The following TANC2 variants were observed in gnomAD, a reference collection of about 807,000 sequenced individuals.
TANC2 encodes the protein tetratricopeptide repeat, ankyrin repeat and coiled-coil containing 2, also known as protein TANC2.
In TANC2, 26 loss-of-function variants were observed where a neutral mutation model predicts 210.5. That is an observed-to-expected ratio of 0.12 (90% CI 0.09 to 0.17). TANC2 has a LOEUF of 0.17. Ranked by LOEUF, TANC2 falls within the 10% of genes least tolerant of loss-of-function variation. The pLI, the probability that TANC2 is intolerant of heterozygous loss-of-function variation, is 1.00. For missense variants in TANC2, 2,129 were observed against 2,608.9 expected (o/e 0.82, Z 4.01); for synonymous variants, 931 against 967.1 (o/e 0.96, Z 0.69).
At chr17:63,040,967 A>G (rs975234687) in intron 2 of TANC2, among the ~76,000 whole-genome samples, 1 of 152,230 alleles carries the variant, frequency 6.6e-6, no homozygotes, top group African/African-American at 2.4e-5. Flanking sequence ...TTAGAAATGT[A>G]TAATGTTTTA....
intron 4 of TANC2, among the ~76,000 whole-genome samples, chr17:63,107,496 G>C (rs1443583066): frequency 1.3e-5 from 2 of 151,646 alleles, no homozygotes; most frequent in East Asian, 3.8e-4. Context: ...TTATCCAAGA[G>C]AAAAGAAAAC....
exon 13 of TANC2, chr17:63,351,328 G>A: frequency 6.2e-7 from 1 of 1,610,684 alleles, no homozygotes; most frequent in Non-Finnish European, 8.5e-7. Context: ...CCGGATTATG[G>A]GGATACAATT....
chr17:63,091,778 A>G (rs2037204729), intron 3 of TANC2, among the ~76,000 whole-genome samples: 2 of 152,196 alleles, frequency 1.3e-5, no homozygotes, highest in Non-Finnish European at 2.9e-5. Flanking sequence ...TGGGGATGGC[A>G]TTGAATCTAT....
chr17:63,086,957 A>G (rs1312717423), intron 3 of TANC2, among the ~76,000 whole-genome samples: 2 of 152,194 alleles, frequency 1.3e-5, no homozygotes, highest in African/African-American at 2.4e-5. Flanking sequence ...ACAAATAAGG[A>G]AATAAAAGCT....
chr17:63,316,492 G>C (rs2045317551), intron 10 of TANC2, among the ~76,000 whole-genome samples: 1 of 152,154 alleles, frequency 6.6e-6, no homozygotes, highest in African/African-American at 2.4e-5. Flanking sequence ...CCAAAGCAGA[G>C]ATTCTTTAAA....
chr17:63,321,801 T>C (rs1434820617), intron 11 of TANC2, among the ~76,000 whole-genome samples: 4 of 152,194 alleles, frequency 2.6e-5, no homozygotes, highest in Non-Finnish European at 4.4e-5. Flanking sequence ...TCTCTAGTTC[T>C]CTTTCCTGTG....
At chr17:63,404,004 T>A (rs1447570071) in intron 19 of TANC2, among the ~76,000 whole-genome samples, 1 of 152,260 alleles carries the variant, frequency 6.6e-6, no homozygotes, top group Non-Finnish European at 1.5e-5. Context: ...GTTTGCAAAC[T>A]GCAGTATCTG....
chr17:63,123,401 CA>C (rs1028381311), intron 4 of TANC2, among the ~76,000 whole-genome samples: 2 of 151,230 alleles, frequency 1.3e-5, no homozygotes, highest in African/African-American at 4.9e-5. Flanking sequence ...ACTAAAAATA[CA>C]AAAAAAATTA....
chr17:63,088,876 T>TAACA (rs1056377129), intron 3 of TANC2: 4 of 152,190 alleles, frequency 2.6e-5, no homozygotes, highest in African/African-American at 9.6e-5. Context: ...AAGGCTTTTG[T>TAACA]AGAGTCTTTA....
exon 28 of TANC2, chr17:63,422,463 G>A (rs1359527963): frequency 6.1e-6 from 1 of 163,694 alleles, no homozygotes; most frequent in East Asian, 1.8e-4. Flanking sequence ...CAGACCGCCA[G>A]CGCCCTGCAG....
intron 1 of TANC2, among the ~76,000 whole-genome samples, chr17:62,969,858 T>G (rs917280923): frequency 6.6e-6 from 1 of 152,214 alleles, no homozygotes; most frequent in Non-Finnish European, 1.5e-5. Flanking sequence ...TTCATTTATA[T>G]TAAAAACTAC....
intron 13 of TANC2, among the ~76,000 whole-genome samples, chr17:63,353,902 C>T (rs1460151984): frequency 6.6e-6 from 1 of 152,042 alleles, no homozygotes; most frequent in Non-Finnish European, 1.5e-5. Context: ...TGACAAGAAC[C>T]ATTTCAGTGA....
intron 9 of TANC2, among the ~76,000 whole-genome samples, chr17:63,293,434 A>G (rs779698455): frequency 2.0e-5 from 3 of 152,198 alleles, no homozygotes; most frequent in Non-Finnish European, 4.4e-5. Context: ...GCTAGACTTT[A>G]TAGTCATTAT....
At chr17:63,318,148 T>C (rs939585950) in intron 10 of TANC2, among the ~76,000 whole-genome samples, 23 of 152,210 alleles carry the variant, frequency 1.5e-4, no homozygotes, top group Admixed American at 5.2e-4. Flanking sequence ...GACTACTTTT[T>C]CCTATTCTTC....
At chr17:63,297,145 A>G (rs1289636315) in intron 9 of TANC2, among the ~76,000 whole-genome samples, 1 of 152,212 alleles carries the variant, frequency 6.6e-6, no homozygotes, top group Non-Finnish European at 1.5e-5. Context: ...GTACTACCCA[A>G]AGGAGTCTAC....
chr17:63,052,327 TCAAAGATTGAGTC>T (rs991429777), intron 2 of TANC2, among the ~76,000 whole-genome samples: 169 of 152,248 alleles, frequency 1.1e-3, no homozygotes, highest in African/African-American at 3.8e-3. Flanking sequence ...TTGTAATAGT[TCAAAGATTGAGTC>T]CAGCTCAACT....
At chr17:63,300,342 G>A (rs1426652407) in intron 9 of TANC2, among the ~76,000 whole-genome samples, 1 of 152,136 alleles carries the variant, frequency 6.6e-6, no homozygotes, top group East Asian at 1.9e-4. Flanking sequence ...AGTTTGATGG[G>A]AATAACATTG....
intron 8 of TANC2, among the ~76,000 whole-genome samples, chr17:63,247,501 G>T (rs1443378557): frequency 6.7e-6 from 1 of 148,678 alleles, no homozygotes; most frequent in African/African-American, 2.5e-5. Flanking sequence ...AAAAAAAATA[G>T]AAACAATTAC....
rs1473969952 is a variant in TANC2 at position 63,186,829 on chromosome 17, A to G, written c.434-7162A>G. ...AAAACCAAGAACTACAAATTTAAAT[A>G]GTTTTAATCAGCATAATGCATGAGT... On this transcript the variant is annotated intron_variant, in intron 5 of 27. Coordinates refer to ENST00000689528, the Ensembl canonical transcript of TANC2. Among the ~76,000 whole-genome samples the G allele has an allele frequency of 2.0e-5, 3 of 152,232 alleles. No individual in the cohort carries two copies. In the East Asian group the frequency reaches 5.8e-4, roughly 29 times the overall value.
Sources: allele counts gnomAD v4.1 joint callset (sites outside exome capture counted in the v4.1 genomes callset), GRCh38; gene constraint gnomAD v4.1.1; transcripts MANE v1.5; gene names NCBI Gene and HGNC (gene_info 2026-07-23, HGNC 2026-07-21).